The following TP63 variants were observed in gnomAD, a reference collection of about 807,000 sequenced individuals.
TP63 encodes tumor protein 63.
A neutral mutation model predicts 82.8 loss-of-function variants in TP63; 17 were observed. That is an observed-to-expected ratio of 0.21 (90% CI 0.14 to 0.31). The LOEUF is 0.31. Ranked by LOEUF, TP63 falls within the 10% of genes least tolerant of loss-of-function variation. TP63 has a pLI of 1.00. For synonymous variants in TP63, 330 were observed against 321.7 expected (o/e 1.03, Z -0.28); for missense variants, 648 against 895.3 (o/e 0.72, Z 3.52).
chr3:189,883,924 C>T (rs1182580483), intron 10 of TP63, among the ~76,000 whole-genome samples: 3 of 148,398 alleles, frequency 2.0e-5, no homozygotes, highest in African/African-American at 7.4e-5. Context: ...AAGGAATTTA[C>T]TCTGAGCGTC....
At chr3:189,818,312 A>G (rs1227600895) in intron 4 of TP63, among the ~76,000 whole-genome samples, 1 of 152,050 alleles carries the variant, frequency 6.6e-6, no homozygotes, top group South Asian at 2.1e-4. Context: ...GTTTAACTCT[A>G]TGTCATAAAA....
chr3:189,648,826 A>G (rs1313693129), intron 1 of TP63, among the ~76,000 whole-genome samples: 3 of 143,124 alleles, frequency 2.1e-5, no homozygotes, highest in African/African-American at 5.2e-5. Flanking sequence ...ACCATTTCAC[A>G]TATAGTATTT....
At chr3:189,812,281 C>G (rs1438430239) in intron 4 of TP63, among the ~76,000 whole-genome samples, 1 of 152,022 alleles carries the variant, frequency 6.6e-6, no homozygotes, top group Non-Finnish European at 1.5e-5. Context: ...GTTTCCAGTT[C>G]TACAAAAATA....
At chr3:189,645,098 T>C (rs528978589) in intron 1 of TP63, among the ~76,000 whole-genome samples, 1 of 152,190 alleles carries the variant, frequency 6.6e-6, no homozygotes, top group Non-Finnish European at 1.5e-5. Context: ...ATAAACCTAT[T>C]CATATTTAGG....
intron 1 of TP63, among the ~76,000 whole-genome samples, chr3:189,736,366 AG>A (rs1477857520): frequency 1.3e-5 from 2 of 151,984 alleles, no homozygotes; most frequent in African/African-American, 4.8e-5. Flanking sequence ...CACACATACC[AG>A]GCTATTTTCC....
At chr3:189,668,228 A>G (rs1714577526) in intron 1 of TP63, among the ~76,000 whole-genome samples, 1 of 140,004 alleles carries the variant, frequency 7.1e-6, no homozygotes, top group Non-Finnish European at 1.6e-5. Flanking sequence ...AATTTTCTGG[A>G]AAAAAAAATC....
At chr3:189,814,221 T>C (rs1727911116) in intron 4 of TP63, among the ~76,000 whole-genome samples, 1 of 152,210 alleles carries the variant, frequency 6.6e-6, no homozygotes, top group Non-Finnish European at 1.5e-5. Flanking sequence ...CCCAGCCAAT[T>C]GCGTGGCCCT....
the TP63 span, among the ~76,000 whole-genome samples, chr3:189,602,134 A>T: frequency 6.6e-6 from 1 of 152,190 alleles, no homozygotes; most frequent in South Asian, 2.1e-4. Flanking sequence ...CCACTGAAAA[A>T]TGAGGACAAT....
chr3:189,836,862 A>C (rs1713224365), intron 4 of TP63, among the ~76,000 whole-genome samples: 1 of 152,238 alleles, frequency 6.6e-6, no homozygotes, highest in African/African-American at 2.4e-5. Context: ...CCCACGGCTA[A>C]TAATAATCCC....
chr3:189,729,573 G>A (rs1346213226), intron 1 of TP63, among the ~76,000 whole-genome samples: 1 of 152,158 alleles, frequency 6.6e-6, no homozygotes, highest in Non-Finnish European at 1.5e-5. Context: ...TGTTCAAATT[G>A]TGGCAAATTG....
At chr3:189,674,474 G>T (rs1036471179) in intron 1 of TP63, among the ~76,000 whole-genome samples, 7 of 152,118 alleles carry the variant, frequency 4.6e-5, no homozygotes, top group Non-Finnish European at 8.8e-5. Context: ...GGACACAGAA[G>T]CGTCAATATA....
At chr3:189,880,335 T>C (rs1047366320) in intron 10 of TP63, 2 of 1,286,384 alleles carry the variant, frequency 1.6e-6, no homozygotes, top group Admixed American at 7.1e-5. Context: ...ACAAAGCCAC[T>C]AGTGAGAGAA....
intron 3 of TP63, among the ~76,000 whole-genome samples, chr3:189,799,918 A>G (rs577629770): frequency 2.0e-5 from 3 of 152,284 alleles, no homozygotes; most frequent in African/African-American, 7.2e-5. Context: ...CTGAGCATCT[A>G]TTATGTTTCA....
intron 1 of TP63, among the ~76,000 whole-genome samples, chr3:189,672,006 TGTA>T (rs1168580277): frequency 1.3e-5 from 2 of 152,122 alleles, no homozygotes; most frequent in African/African-American, 4.8e-5. Context: ...CTAATGATAA[TGTA>T]GTGTATATTT....
chr3:189,631,712 G>A (rs13064999), intron 1 of TP63, 135 bp downstream of exon 1: 144,488 of 1,570,646 alleles, frequency 0.092, 9,376 homozygotes, highest in East Asian at 0.4. Context: ...GACTTTCTGT[G>A]GACTTAAAGT....
intron 4 of TP63, among the ~76,000 whole-genome samples, chr3:189,833,678 C>CTT (rs10587481): frequency 1.4e-5 from 2 of 147,154 alleles, no homozygotes; most frequent in South Asian, 2.1e-4. Flanking sequence ...TTCTCTCTCT[C>CTT]TTTTTTTTTT....
chr3:189,730,144 T>G (rs1159034617), intron 1 of TP63, among the ~76,000 whole-genome samples: 1 of 152,190 alleles, frequency 6.6e-6, no homozygotes, highest in Non-Finnish European at 1.5e-5. Context: ...AGAAGTCATG[T>G]TTAGAGTTTT....
At chr3:189,848,478 C>G (rs1287511593) in intron 4 of TP63, among the ~76,000 whole-genome samples, 1 of 151,904 alleles carries the variant, frequency 6.6e-6, no homozygotes, top group African/African-American at 2.4e-5. Flanking sequence ...CTAGACCTCC[C>G]AAAATGCTGG....
At chr3:189,791,908 T>G (rs534360979) in intron 3 of TP63, among the ~76,000 whole-genome samples, 19 of 152,188 alleles carry the variant, frequency 1.2e-4, no homozygotes, top group Admixed American at 7.9e-4. Flanking sequence ...TATTAGTAAC[T>G]GTCAATACAG....
Sources: gnomAD v4.1 joint callset for allele counts (sites outside exome capture counted in the v4.1 genomes callset) on GRCh38, gnomAD v4.1.1 for gene constraint, MANE v1.5 for transcripts, NCBI Gene and HGNC (gene_info 2026-07-23, HGNC 2026-07-21) for gene names.